The following EFR3B variants were observed in gnomAD, a reference collection of about 807,000 sequenced individuals.
The protein encoded by EFR3B is EFR3 homolog B.
EFR3B carries 64 observed loss-of-function variants against 104.7 expected under a neutral mutation model. That is an observed-to-expected ratio of 0.61 (90% CI 0.50 to 0.75). The LOEUF (loss-of-function observed/expected upper bound fraction) is 0.75, where lower values mean the gene tolerates loss of function less well. EFR3B is among the 30% of genes least tolerant of loss of function. The pLI is 0.00. For synonymous variants in EFR3B, 385 were observed against 417.9 expected (o/e 0.92, Z 0.96); for missense variants, 750 against 1,078.5 (o/e 0.70, Z 4.27).
At chr2:25,142,927 A>C (rs1670711499) in intron 17 of EFR3B, among the ~76,000 whole-genome samples, 1 of 148,564 alleles carries the variant, frequency 6.7e-6, no homozygotes, top group Non-Finnish European at 1.5e-5. Context: ...TGGGAAACAC[A>C]GTGAGGACCC....
intron 3 of EFR3B, among the ~76,000 whole-genome samples, chr2:25,100,057 A>C (rs1265574664): frequency 6.6e-6 from 1 of 152,102 alleles, no homozygotes; most frequent in South Asian, 2.1e-4. Context: ...ACAAAAAATT[A>C]GCCAGGCATG....
At chr2:25,106,169 G>T (rs1212055457) in intron 4 of EFR3B, among the ~76,000 whole-genome samples, 2 of 152,164 alleles carry the variant, frequency 1.3e-5, no homozygotes, top group Non-Finnish European at 2.9e-5. Context: ...TTAGAGTCTA[G>T]CCCGGGAGTT....
At chr2:25,153,116 G>A (rs902015265) in intron 21 of EFR3B, among the ~76,000 whole-genome samples, 1 of 152,224 alleles carries the variant, frequency 6.6e-6, no homozygotes, top group East Asian at 1.9e-4. Context: ...CACTTTGGGA[G>A]GCTGAGGCAG....
chr2:25,047,844 A>G (rs1324371049), intron 1 of EFR3B, among the ~76,000 whole-genome samples: 1 of 152,188 alleles, frequency 6.6e-6, no homozygotes, highest in African/African-American at 2.4e-5. Flanking sequence ...ATAAAAATTT[A>G]TGTTCCATAA....
Position 25,042,508 on chromosome 2 carries a change from G to A in EFR3B, c.7+189G>A. ...CGAGGACAAAGATGCCTCGGGCCGGGGACCCTGGGGTCCTCTCCAGGCCCG... is the reference window on the plus strand; with the variant it reads ...CGAGGACAAAGATGCCTCGGGCCGGAGACCCTGGGGTCCTCTCCAGGCCCG... On this transcript the variant is annotated intron_variant, in intron 1 of 22. Coordinates refer to ENST00000403714, the MANE Select transcript of EFR3B (RefSeq NM_014971.2). This position sits in a 1 kb window ranked among gnomAD's most constrained non-coding sequence, Gnocchi z 5.4. 8.3e-7 allele frequency: 1 copy of A among 1,207,646 alleles called. No individual in the cohort carries two copies. The highest frequency in any genetic ancestry group is 1.0e-6 in the Non-Finnish European group (1 of 972,628). The allele number at this position is 1,207,646 out of a possible 1,614,324, so 74.8% of individuals were successfully genotyped here.
chr2:25,100,160 C>T (rs929004882), intron 3 of EFR3B, among the ~76,000 whole-genome samples: 20 of 151,998 alleles, frequency 1.3e-4, no homozygotes, highest in African/African-American at 3.6e-4. Context: ...GCCGAGATTG[C>T]GCCATTGCAC....
Position 25,135,997 on chromosome 2 carries a change from A to G in EFR3B, c.1484+358A>G, listed in dbSNP as rs563588165. On this transcript the variant is annotated intron_variant, in intron 13 of 22. Transcript: ENST00000403714. The stretch of plus-strand genomic sequence containing the variant: ...GAAGGGATTTGGGGGGAATAAGAGG[A>G]GGAAGAAAATAATCAGGATGAAGAT... 5.9e-5 allele frequency among the ~76,000 whole-genome samples: 9 copies of G among 152,168 alleles called. No individual in the cohort carries two copies. In the East Asian group the frequency reaches 1.7e-3, roughly 29 times the overall value.
At chr2:25,126,162 T>A (rs1670162557) in intron 5 of EFR3B, among the ~76,000 whole-genome samples, 1 of 152,170 alleles carries the variant, frequency 6.6e-6, no homozygotes, top group Admixed American at 6.5e-5. Context: ...GGGGCAGTTA[T>A]TTTGGCAAAT....
At chr2:25,047,102 CATAA>C (rs1667744222) in intron 1 of EFR3B, among the ~76,000 whole-genome samples, 1 of 152,046 alleles carries the variant, frequency 6.6e-6, no homozygotes, top group Non-Finnish European at 1.5e-5. Context: ...TTTTCTTGTA[CATAA>C]ATAAAAATAA....
At chr2:25,099,743 T>C (rs1669378554) in intron 3 of EFR3B, among the ~76,000 whole-genome samples, 1 of 151,866 alleles carries the variant, frequency 6.6e-6, no homozygotes, top group Non-Finnish European at 1.5e-5. Flanking sequence ...AGTCTGACTG[T>C]GCAATATCTG....
chr2:25,055,508 T>C (rs1553384477), intron 1 of EFR3B, among the ~76,000 whole-genome samples: 1 of 152,176 alleles, frequency 6.6e-6, no homozygotes, highest in Non-Finnish European at 1.5e-5. Context: ...AGGACCCAGA[T>C]AAACTCAAGC....
chr2:25,123,284 T>C (rs1395671754), intron 5 of EFR3B, among the ~76,000 whole-genome samples: 1 of 149,872 alleles, frequency 6.7e-6, no homozygotes, highest in African/African-American at 2.5e-5. Context: ...CTCTTGAGCC[T>C]GGGAGGTCGA....
At chr2:25,104,179 C>G (rs910808681) in intron 4 of EFR3B, among the ~76,000 whole-genome samples, 16 of 151,760 alleles carry the variant, frequency 1.1e-4, no homozygotes, top group Admixed American at 1.1e-3. Context: ...AAAACCCCAT[C>G]TCTACTAAAA....
intron 1 of EFR3B, among the ~76,000 whole-genome samples, chr2:25,045,270 C>T (rs1667684200): frequency 6.6e-6 from 1 of 152,162 alleles, no homozygotes. Context: ...AGACTCACCC[C>T]AGCTGTCTCC....
Position 25,042,079 on chromosome 2 carries a change from A to T in EFR3B, c.-234A>T. 3.4e-6 allele frequency: 1 copy of T among 292,744 alleles called. No individual in the cohort carries two copies. The highest frequency in any genetic ancestry group is 6.2e-6 in the Non-Finnish European group (1 of 161,276). The allele number at this position is 292,744 out of a possible 1,614,324, so 18.1% of individuals were successfully genotyped here. A position where few individuals can be genotyped will look rare whatever the true frequency, so the allele number is the denominator to read the frequency against. ...ATAGCCCCCGCCCCCTGCGCGCAGCAGTGCCCAGCAACCCGAGCGGAGGCG... is the reference window on the plus strand; with the variant it reads ...ATAGCCCCCGCCCCCTGCGCGCAGCTGTGCCCAGCAACCCGAGCGGAGGCG... On this transcript the variant is annotated 5_prime_UTR_variant, in exon 1 of 23. Coordinates refer to ENST00000403714, the MANE Select transcript of EFR3B (RefSeq NM_014971.2). This position sits in a 1 kb window ranked among gnomAD's most constrained non-coding sequence, Gnocchi z 5.4.
In EFR3B at chr2:25,131,543, C is replaced by T; in HGVS notation, c.985+40C>T. On this transcript the variant is annotated intron_variant, in intron 9 of 22. Transcript: ENST00000403714. This position sits in a 1 kb window ranked among gnomAD's most constrained non-coding sequence, Gnocchi z 7.6. ...TAGGGCCTGAGGGCCGGGGACCCCG[C>T]GGAGGCTGCCGCCTCTTACAGAGAG... The T allele has an allele frequency of 1.9e-6, 3 of 1,543,602 alleles. No homozygotes were observed. Among genetic ancestry groups the T allele is most frequent in the South Asian group, 1.2e-5 (1 of 83,794 alleles).
At chr2:25,111,974 T>C (rs955518683) in intron 4 of EFR3B, among the ~76,000 whole-genome samples, 1 of 152,272 alleles carries the variant, frequency 6.6e-6, no homozygotes, top group African/African-American at 2.4e-5. Flanking sequence ...TGGTAACTTG[T>C]TACAGCAGCC....
intron 1 of EFR3B, among the ~76,000 whole-genome samples, chr2:25,087,791 A>G (rs1182466358): frequency 6.6e-6 from 1 of 152,158 alleles, no homozygotes; most frequent in Non-Finnish European, 1.5e-5. Context: ...GGAATTTTTA[A>G]TCTTCATGAA....
chr2:25,125,082 G>A (rs1670128160), intron 5 of EFR3B, among the ~76,000 whole-genome samples: 1 of 152,116 alleles, frequency 6.6e-6, no homozygotes, highest in East Asian at 1.9e-4. Context: ...TAAATGAATA[G>A]GAAGAGTAAG....
Sources: gnomAD v4.1 joint callset for allele counts (sites outside exome capture counted in the v4.1 genomes callset) on GRCh38, gnomAD v4.1.1 for gene constraint, Gnocchi (gnomAD v3.1) non-coding constraint, MANE v1.5 for transcripts, NCBI Gene and HGNC (gene_info 2026-07-23, HGNC 2026-07-21) for gene names.